ZNF90: variants seen among roughly 807,000 people sequenced by gnomAD.
ZNF90 encodes the protein zinc finger protein HTF9.
Under a neutral mutation model 12.0 loss-of-function variants are expected in ZNF90, and 11 were observed. The ratio of observed to expected loss-of-function variants is 0.92; its 90% CI spans 0.58 to 1.52. ZNF90 has a LOEUF of 1.52. Ranked by LOEUF, ZNF90 falls within the 40% of genes most tolerant of loss-of-function variation. The pLI is 0.00. For synonymous variants in ZNF90, 232 were observed against 240.1 expected (o/e 0.97, Z 0.31); for missense variants, 765 against 711.5 (o/e 1.08, Z -0.86).
At chr19:20,099,394 A>G (rs973166767) in intron 1 of ZNF90, among the ~76,000 whole-genome samples, 4 of 152,166 alleles carry the variant, frequency 2.6e-5, no homozygotes, top group Non-Finnish European at 5.9e-5. Context: ...GAGTCTCCCT[A>G]TCAATTACTG....
At chr19:20,107,714 C>T (rs1490495893) in intron 3 of ZNF90, among the ~76,000 whole-genome samples, 1 of 152,170 alleles carries the variant, frequency 6.6e-6, no homozygotes, top group Non-Finnish European at 1.5e-5. Context: ...ATGTCACTCT[C>T]CATATACATT....
chr19:20,105,129 CTA>C, intron 2 of ZNF90, 90 bp from the exon 3 acceptor site: 1 of 874,984 alleles, frequency 1.1e-6, no homozygotes, highest in Non-Finnish European at 1.6e-6. Flanking sequence ...ATTTACTAGA[CTA>C]TTTTATCACA....
At chr19:20,105,067 T>C (rs2089022777) in intron 2 of ZNF90, among the ~76,000 whole-genome samples, 154 bp from the exon 3 acceptor site, 1 of 152,164 alleles carries the variant, frequency 6.6e-6, no homozygotes, top group Non-Finnish European at 1.5e-5. Flanking sequence ...AACCTATGAT[T>C]TGAAAGTATT....
rs111955434 is a variant in ZNF90, at chr19:20,099,180, C to CT, written c.4-5048dup. Reference sequence around the variant, plus strand: ...TATGAACAGAAGAAATATTATTATGCTTTTTTTTTTTGAGATGGTGTCTCA... The same window carrying CT: ...TATGAACAGAAGAAATATTATTATGCTTTTTTTTTTTTGAGATGGTGTCTCA... On this transcript the variant is annotated intron_variant, in intron 1 of 3. Coordinates refer to ENST00000418063, the MANE Select transcript of ZNF90 (RefSeq NM_007138.2). Among the ~76,000 whole-genome samples, 777 of 146,682 alleles carry CT rather than the reference C, an allele frequency of 5.3e-3. 8 individuals are homozygous for CT. The highest frequency in any genetic ancestry group is 0.016 in the African/African-American group (663 of 40,278).
intron 3 of ZNF90, chr19:20,106,866 C>T (rs2089043964): frequency 2.0e-5 from 9 of 454,470 alleles, no homozygotes; most frequent in South Asian, 1.4e-4. Context: ...CACAAGGCTG[C>T]TGGGTCTGCA....
rs1172739216 is a variant in ZNF90 at position 20,118,053 on chromosome 19, G to A, written c.499G>A (p.Asp167Asn). 1.9e-6 allele frequency: 3 copies of A among 1,612,358 alleles called. No homozygotes were observed. In the Admixed American group the frequency reaches 5.0e-5, roughly 27 times the overall value. ...FSNSNRHKIR[D>N]TGKKPFKCIE... is the part of the protein sequence containing the mutation. ...AAATTCAAACAGACATAAGATAAGA[G>A]ATACTGGAAAAAAACCTTTCAAATG... The change falls in exon 4 of 4, where the codon GAT becomes AAT. Residue 167 changes from aspartate to asparagine, a missense_variant. Physicochemically the swap from Asp to Asn is conservative, Grantham distance 23. Transcript: ENST00000418063.
intron 3 of ZNF90, chr19:20,107,133 C>A (rs2089046484): frequency 2.5e-6 from 1 of 396,940 alleles, no homozygotes; most frequent in Non-Finnish European, 5.0e-6. Flanking sequence ...TGATCTGTGG[C>A]TCAGGTAACT....
intron 1 of ZNF90, among the ~76,000 whole-genome samples, chr19:20,101,181 T>G (rs1237358469): frequency 6.6e-6 from 1 of 152,156 alleles, no homozygotes; most frequent in African/African-American, 2.4e-5. Context: ...CACTCCCGAT[T>G]AGGCTAAAGG....
intron 3 of ZNF90, among the ~76,000 whole-genome samples, chr19:20,106,230 ATTAT>A (rs1247955564): frequency 1.3e-5 from 2 of 151,788 alleles, no homozygotes; most frequent in Non-Finnish European, 2.9e-5. Flanking sequence ...CTGAGTATTT[ATTAT>A]TTGAGACAGT....
At chr19:20,116,179 AT>A (rs2089135855) in intron 3 of ZNF90, among the ~76,000 whole-genome samples, 2 of 151,870 alleles carry the variant, frequency 1.3e-5, no homozygotes, top group South Asian at 4.2e-4. Context: ...AGCATATTTT[AT>A]TTTATTTTTG....
At chr19:20,116,583 T>A (rs1236346778) in intron 3 of ZNF90, among the ~76,000 whole-genome samples, 8 of 152,228 alleles carry the variant, frequency 5.3e-5, no homozygotes, top group Admixed American at 5.2e-4. Context: ...AATCTTTGAT[T>A]GAGATTTGGA....
intron 3 of ZNF90, among the ~76,000 whole-genome samples, chr19:20,113,967 G>A (rs1442074780): frequency 1.3e-5 from 2 of 152,064 alleles, no homozygotes; most frequent in African/African-American, 4.8e-5. Context: ...TTACTTATGT[G>A]TTATGTGTCA....
chr19:20,119,051 T>A lies in ZNF90; in HGVS notation c.1497T>A (p.His499Gln). The change falls in exon 4 of 4, where the codon CAT (histidine) becomes CAA (glutamine). Residue 499 changes from histidine to glutamine, a missense_variant. Coordinates refer to ENST00000418063, the MANE Select transcript of ZNF90 (RefSeq NM_007138.2). Reference sequence around the variant, plus strand: ...AGTACTCCTCAGCCCTTAGCACACATAAGATAATTCACAGTGGAGAGAATC... The same window carrying A: ...AGTACTCCTCAGCCCTTAGCACACAAAAGATAATTCACAGTGGAGAGAATC... The part of the protein sequence containing the change: ...AFKYSSALST[H>Q]KIIHSGENPY... 6.2e-7 allele frequency: 1 copy of A among 1,609,780 alleles called. No individual in the cohort carries two copies. Among genetic ancestry groups the A allele is most frequent in the Non-Finnish European group, 8.5e-7 (1 of 1,177,914 alleles).
At chr19:20,093,194 A>G (rs1489450162) in intron 1 of ZNF90, among the ~76,000 whole-genome samples, 1 of 152,234 alleles carries the variant, frequency 6.6e-6, no homozygotes, top group Non-Finnish European at 1.5e-5. Context: ...AGGCAAAACA[A>G]TTTGGTTGAT....
At chr19:20,111,030 A>G (rs1004514630) in intron 3 of ZNF90, among the ~76,000 whole-genome samples, 7 of 152,138 alleles carry the variant, frequency 4.6e-5, no homozygotes, top group Non-Finnish European at 8.8e-5. Context: ...GTGTAGTTAA[A>G]CTTTTCTGTT....
chr19:20,086,060 AT>A (rs2088856809), intron 1 of ZNF90, among the ~76,000 whole-genome samples: 1 of 152,142 alleles, frequency 6.6e-6, no homozygotes, highest in Non-Finnish European at 1.5e-5. Flanking sequence ...ATTATCCAAT[AT>A]TTGCAGGCTG....
At chr19:20,104,758 G>GCTGAGGTGGGCAGGTCGC (rs1362906850) in intron 2 of ZNF90, among the ~76,000 whole-genome samples, 251 of 152,322 alleles carry the variant, frequency 1.6e-3, no homozygotes, top group African/African-American at 5.9e-3. Context: ...ACTTTGGGAG[G>GCTGAGGTGGGCAGGTCGC]CTGAGGTGGG....
At chr19:20,106,031 T>C (rs907632833) in intron 3 of ZNF90, among the ~76,000 whole-genome samples, 2 of 143,748 alleles carry the variant, frequency 1.4e-5, no homozygotes, top group African/African-American at 5.2e-5. Context: ...ATTTGGAACT[T>C]CTCTAATTTT....
chr19:20,082,638 G>A (rs948670787), intron 1 of ZNF90, among the ~76,000 whole-genome samples: 1 of 152,136 alleles, frequency 6.6e-6, no homozygotes, highest in Non-Finnish European at 1.5e-5. Context: ...ACTGTGGAAG[G>A]CCGCAGGGAC....
Sources: allele counts gnomAD v4.1 joint callset (sites outside exome capture counted in the v4.1 genomes callset), GRCh38; gene constraint gnomAD v4.1.1; transcripts MANE v1.5; gene names NCBI Gene and HGNC (gene_info 2026-07-23, HGNC 2026-07-21).